The following KCNIP3 variants were observed in gnomAD, a reference collection of about 807,000 sequenced individuals.
KCNIP3 encodes the protein potassium voltage-gated channel interacting protein 3, also known as calsenilin.
A neutral mutation model predicts 35.0 loss-of-function variants in KCNIP3; 28 were observed. That is an observed-to-expected ratio of 0.80 (90% CI 0.59 to 1.10). The LOEUF (loss-of-function observed/expected upper bound fraction) is 1.10. Ranked by LOEUF, KCNIP3 falls within the 50% of genes least tolerant of loss-of-function variation. The probability of loss-of-function intolerance (pLI) is 0.00; values close to 1 mark genes in which losing one functional copy is unlikely to be tolerated. For synonymous variants in KCNIP3, 134 were observed against 133.8 expected (o/e 1.00, Z -0.01); for missense variants, 295 against 338.4 (o/e 0.87, Z 1.01).
At position 95,384,169 on chromosome 2, in the gene KCNIP3, T is replaced by TACACACACACACACACAC. The variant is rs58903840; in HGVS notation, c.*140_*157dup. On this transcript the variant is annotated 3_prime_UTR_variant, in exon 9 of 9. Transcript: ENST00000295225. ...GATTTGCAAAAAGTGAACAGATTGC[T>TACACACACACACACACAC]ACACACACACACACACACACACACA... The TACACACACACACACACAC allele has an allele frequency of 1.6e-5, 8 of 513,308 alleles. No homozygotes were observed. The highest frequency in any genetic ancestry group is 2.5e-5 in the Non-Finnish European group (7 of 279,368). The allele number at this position is 513,308 out of a possible 1,614,324, so 31.8% of individuals were successfully genotyped here.
At chr2:95,320,600 C>G (rs980895028) in intron 2 of KCNIP3, among the ~76,000 whole-genome samples, 1 of 152,054 alleles carries the variant, frequency 6.6e-6, no homozygotes, top group East Asian at 1.9e-4. Context: ...TCCCTGGGAG[C>G]ATCCCCTCCG....
intron 2 of KCNIP3, 77 bp from the exon 3 acceptor site, chr2:95,374,219 A>C (rs1680113678): frequency 1.3e-6 from 2 of 1,557,658 alleles, no homozygotes; most frequent in Non-Finnish European, 1.7e-6. Context: ...ATTTTGGCCC[A>C]TGCCCTGGCC....
chr2:95,378,899 T>C lies in KCNIP3; in HGVS notation c.448-2697T>C, dbSNP rs3045365. Among the ~76,000 whole-genome samples, 413 of 123,726 alleles carry C rather than the reference T, an allele frequency of 3.3e-3. 1 individual carries two copies. The highest frequency in any genetic ancestry group is 8.3e-3 in the African/African-American group (252 of 30,524). 81.2% of individuals were successfully genotyped at this position (123,726 alleles called of 152,430 possible). A position where few individuals can be genotyped will look rare whatever the true frequency, so the allele number is the denominator to read the frequency against. On this transcript the variant is annotated intron_variant, in intron 5 of 8. Coordinates refer to ENST00000295225, the MANE Select transcript of KCNIP3 (RefSeq NM_013434.5). This position sits in a 1 kb window ranked among gnomAD's most constrained non-coding sequence, Gnocchi z 4.0. The stretch of plus-strand genomic sequence containing the variant: ...ACACATATATATACACACACACACA[T>C]ATATATATATATATTCATTGTCTTC...
At chr2:95,311,576 A>G (rs1351130245) in intron 2 of KCNIP3, 2 of 152,250 alleles carry the variant, frequency 1.3e-5, no homozygotes, top group African/African-American at 2.4e-5. Context: ...GGGTCTGGGC[A>G]AACAGCAGGC....
intron 2 of KCNIP3, among the ~76,000 whole-genome samples, chr2:95,359,583 C>T (rs1413416718): frequency 5.3e-5 from 8 of 152,206 alleles, no homozygotes; most frequent in Admixed American, 5.2e-4. Flanking sequence ...CAAGGGCAGC[C>T]CAGCCCCTGT....
intron 2 of KCNIP3, among the ~76,000 whole-genome samples, chr2:95,370,998 ACCTCAAGTGAT>A (rs996277937): frequency 3.7e-4 from 56 of 151,916 alleles, no homozygotes; most frequent in African/African-American, 1.4e-3. Context: ...TGAACTCCTG[ACCTCAAGTGAT>A]CCACCTGCCT....
chr2:95,350,028 A>G (rs1679473941), intron 2 of KCNIP3, among the ~76,000 whole-genome samples: 1 of 152,160 alleles, frequency 6.6e-6, no homozygotes, highest in African/African-American at 2.4e-5. Context: ...AATTATGGGC[A>G]AGATTATGTG....
At position 95,326,186 on chromosome 2, in the gene KCNIP3, TACAC is replaced by T. The variant is rs537810871; in HGVS notation, c.181+15670_181+15673del. Among the ~76,000 whole-genome samples the T allele has an allele frequency of 4.3e-4, 64 of 148,110 alleles. No individual in the cohort carries two copies. In the South Asian group the frequency reaches 0.011, roughly 26 times the overall value. ...ACTCATATACACATATACACAGTCA[TACAC>T]ACATACACGCACTCATATACACACA... is the stretch of plus-strand genomic sequence containing the variant. On this transcript the variant is annotated intron_variant, in intron 2 of 8. Transcript: ENST00000295225.
intron 2 of KCNIP3, among the ~76,000 whole-genome samples, chr2:95,335,119 C>A (rs1421254434): frequency 6.6e-6 from 1 of 152,208 alleles, no homozygotes; most frequent in Non-Finnish European, 1.5e-5. Flanking sequence ...ACATGAAATT[C>A]CTTTCCTTTC....
At chr2:95,372,951 C>T (rs997981969) in intron 2 of KCNIP3, among the ~76,000 whole-genome samples, 1 of 152,172 alleles carries the variant, frequency 6.6e-6, no homozygotes, top group East Asian at 1.9e-4. Context: ...ACCACGCTCT[C>T]GGGAGAGGCC....
chr2:95,306,941 T>C (rs945037311), intron 1 of KCNIP3, among the ~76,000 whole-genome samples: 4 of 152,214 alleles, frequency 2.6e-5, no homozygotes, highest in Non-Finnish European at 4.4e-5. Context: ...CAGATATTCA[T>C]GAGGATGACC....
intron 2 of KCNIP3, among the ~76,000 whole-genome samples, chr2:95,319,931 C>T (rs1203747228): frequency 6.6e-6 from 1 of 152,148 alleles, no homozygotes; most frequent in Non-Finnish European, 1.5e-5. Flanking sequence ...CATCTCAGAA[C>T]AAGGGAGGGA....
chr2:95,342,180 G>A (rs537499711), intron 2 of KCNIP3, among the ~76,000 whole-genome samples: 2 of 152,256 alleles, frequency 1.3e-5, no homozygotes, highest in South Asian at 4.2e-4. Flanking sequence ...GAGAGAGGAG[G>A]GGCCCGGCCA....
intron 7 of KCNIP3, 114 bp from the exon 8 acceptor site, chr2:95,383,118 C>T (rs1212967250): frequency 4.9e-6 from 2 of 408,714 alleles, no homozygotes; most frequent in Non-Finnish European, 9.3e-6. Context: ...GGAGCCCACC[C>T]GCCCATCCAC....
intron 2 of KCNIP3, among the ~76,000 whole-genome samples, chr2:95,332,838 G>A (rs1678965345): frequency 6.6e-6 from 1 of 152,138 alleles, no homozygotes. Context: ...GCCTCTTTTT[G>A]TCTCTGTGTT....
intron 2 of KCNIP3, among the ~76,000 whole-genome samples, chr2:95,339,906 G>T (rs1366460462): frequency 3.9e-5 from 6 of 152,154 alleles, no homozygotes; most frequent in Non-Finnish European, 4.4e-5. Flanking sequence ...AGGCACCCAG[G>T]CCCTTTCTAC....
chr2:95,318,858 A>G (rs536873715), intron 2 of KCNIP3, among the ~76,000 whole-genome samples: 1 of 152,312 alleles, frequency 6.6e-6, no homozygotes, highest in South Asian at 2.1e-4. Flanking sequence ...TGATGTCCCT[A>G]AAACAAAGAT....
intron 3 of KCNIP3, 59 bp downstream of exon 3, chr2:95,374,479 G>C: frequency 6.3e-7 from 1 of 1,586,316 alleles, no homozygotes. Flanking sequence ...GGGAGACCTG[G>C]AAACTTCTCC....
At chr2:95,379,980 C>T (rs567525069) in intron 5 of KCNIP3, among the ~76,000 whole-genome samples, 51 of 152,336 alleles carry the variant, frequency 3.3e-4, no homozygotes, top group Non-Finnish European at 6.2e-4. Context: ...GGGAAATCGT[C>T]TTTCCTGATT....
Sources: gnomAD v4.1 joint callset for allele counts (sites outside exome capture counted in the v4.1 genomes callset) on GRCh38, gnomAD v4.1.1 for gene constraint, Gnocchi (gnomAD v3.1) non-coding constraint, MANE v1.5 for transcripts, NCBI Gene and HGNC (gene_info 2026-07-23, HGNC 2026-07-21) for gene names.